Variants in ARID1B observed in about 807,000 individuals in gnomAD.
ARID1B encodes AT-rich interaction domain 1B, also known as AT-rich interactive domain-containing protein 1B.
A neutral mutation model predicts 212.3 loss-of-function variants in ARID1B; 30 were observed. The observed-to-expected ratio is 0.14, with a 90% CI of 0.11 to 0.19. ARID1B has a LOEUF of 0.19. Ranked by LOEUF, ARID1B falls within the 10% of genes least tolerant of loss-of-function variation. ARID1B has a pLI of 1.00. For synonymous variants in ARID1B, 1,402 were observed against 1,301.7 expected, an observed-to-expected ratio of 1.08 and a Z score of -1.66; for missense variants, 2,891 against 3,204.0, an observed-to-expected ratio of 0.90 and a Z score of 2.36.
Position 156,780,089 on chromosome 6 carries a change from A to G in ARID1B, c.1791+618A>G, listed in dbSNP as rs115635461. ...GCTTCGAGCTCGAACGTTTGCTGGT[A>G]GGAATAATAACAAAATTTACAACGA... On this transcript the variant is annotated intron_variant, in intron 1 of 19. Transcript: ENST00000636930. Among the ~76,000 whole-genome samples, 365 of 152,296 alleles carry G rather than the reference A, an allele frequency of 2.4e-3. 2 individuals carry two copies. The highest frequency in any genetic ancestry group is 7.9e-3 in the African/African-American group (329 of 41,566).
At chr6:156,991,624 T>G (rs569900269) in intron 4 of ARID1B, among the ~76,000 whole-genome samples, 1 of 152,378 alleles carries the variant, frequency 6.6e-6, no homozygotes, top group Admixed American at 6.5e-5. Flanking sequence ...ATATCTTTCT[T>G]ACACTCTTCT....
intron 4 of ARID1B, among the ~76,000 whole-genome samples, chr6:157,018,627 T>C (rs113929722): frequency 1.5e-4 from 23 of 152,354 alleles, no homozygotes; most frequent in African/African-American, 5.3e-4. Context: ...TTTACTAATC[T>C]GAAGTTTTGG....
intron 2 of ARID1B, among the ~76,000 whole-genome samples, chr6:156,886,822 T>C (rs1435211831): frequency 6.6e-6 from 1 of 152,212 alleles, no homozygotes; most frequent in African/African-American, 2.4e-5. Flanking sequence ...TTTAAAACAA[T>C]AGCTCATTGA....
chr6:156,935,708 T>C, intron 4 of ARID1B, 132 bp downstream of exon 4: 1 of 800,236 alleles, frequency 1.2e-6, no homozygotes. Context: ...TATTTTGTGG[T>C]CAATTTTTCA....
intron 4 of ARID1B, among the ~76,000 whole-genome samples, chr6:157,064,621 C>T (rs148705691): frequency 3.3e-5 from 5 of 152,274 alleles, no homozygotes; most frequent in Admixed American, 6.5e-5. Flanking sequence ...CTGGATTCGC[C>T]GAGAACACTT....
chr6:156,803,601 G>GT (rs1405178631), intron 1 of ARID1B, among the ~76,000 whole-genome samples: 1 of 140,158 alleles, frequency 7.1e-6, no homozygotes, highest in African/African-American at 2.6e-5. Flanking sequence ...TTCATGGTGT[G>GT]TTTTTTTCTT....
At position 157,039,882 on chromosome 6, in the gene ARID1B, T is replaced by TTCCTTCCTTC. The variant is rs1554287391; in HGVS notation, c.2248-44780_2248-44779insTCCTTCCTTC. ...TTTCTCTCTCTTTCTCTTTCTTTTC[T>TTCCTTCCTTC]CTTCCTTCCTTCCTTCCTTCCTTCC... On this transcript the variant is annotated intron_variant, in intron 4 of 19. Transcript: ENST00000636930. 2.9e-3 allele frequency among the ~76,000 whole-genome samples: 196 copies of TTCCTTCCTTC among 67,284 alleles called. 3 individuals are homozygous for TTCCTTCCTTC. Among genetic ancestry groups the TTCCTTCCTTC allele is most frequent in the African/African-American group, 0.01 (185 of 18,448 alleles). 44.1% of individuals were successfully genotyped at this position (67,284 alleles called of 152,430 possible). A position where few individuals can be genotyped will look rare whatever the true frequency, so the allele number is the denominator to read the frequency against.
intron 1 of ARID1B, among the ~76,000 whole-genome samples, chr6:156,827,618 G>T (rs556144503): frequency 6.6e-6 from 1 of 152,302 alleles, no homozygotes; most frequent in African/African-American, 2.4e-5. Context: ...GATCCAGATG[G>T]TTTTTATTTC....
chr6:157,076,652 G>A (rs1300693554), intron 4 of ARID1B, among the ~76,000 whole-genome samples: 1 of 151,984 alleles, frequency 6.6e-6, no homozygotes, highest in Non-Finnish European at 1.5e-5. Context: ...GATGGAAGTG[G>A]TGGTATTGAT....
At chr6:157,034,287 T>C (rs1294224088) in intron 4 of ARID1B, among the ~76,000 whole-genome samples, 2 of 152,248 alleles carry the variant, frequency 1.3e-5, no homozygotes, top group Non-Finnish European at 2.9e-5. Context: ...GCACAGTATT[T>C]ATTATGAATG....
chr6:156,841,180 A>G (rs560192368), intron 2 of ARID1B, among the ~76,000 whole-genome samples: 11 of 152,316 alleles, frequency 7.2e-5, no homozygotes, highest in African/African-American at 2.6e-4. Flanking sequence ...TGCTGGGATC[A>G]CGGAAAGGGC....
intron 11 of ARID1B, among the ~76,000 whole-genome samples, chr6:157,178,618 G>A (rs935868260): frequency 1.3e-5 from 2 of 152,164 alleles, no homozygotes; most frequent in African/African-American, 4.8e-5. Context: ...ATGCCTCTTA[G>A]AAGATCTAAA....
Position 157,200,029 on chromosome 6 carries a change from G to A in ARID1B, c.4480-676G>A, listed in dbSNP as rs545535522. Among the ~76,000 whole-genome samples the A allele has an allele frequency of 6.6e-6, 1 of 152,302 alleles. No homozygotes were observed. The highest frequency in any genetic ancestry group is 2.1e-4 in the South Asian group (1 of 4,810). ...TTTTCAAGTAAAGTGGAAAACATCAGCATCTCACTGCCTCCCATCAGAGTC... is the reference window on the plus strand; with the variant it reads ...TTTTCAAGTAAAGTGGAAAACATCAACATCTCACTGCCTCCCATCAGAGTC... On this transcript the variant is annotated intron_variant, in intron 17 of 19. Coordinates refer to ENST00000636930, the MANE Select transcript of ARID1B (RefSeq NM_001374828.1). The surrounding 1 kb of genome is among the most constrained non-coding windows in gnomAD (Gnocchi z 4.3).
chr6:157,210,332 A>C lies in ARID1B; in HGVS notation c.*2441A>C, dbSNP rs917719379. On this transcript the variant is annotated 3_prime_UTR_variant, in exon 20 of 20. Coordinates refer to ENST00000636930, the MANE Select transcript of ARID1B (RefSeq NM_001374828.1). ...ATTTCTCTCTTACAGAGTACAAATA[A>C]AAGGTGTATACAAACTCCGAACATA... is the stretch of plus-strand genomic sequence containing the variant. 2 of 230,416 alleles carry C rather than the reference A, an allele frequency of 8.7e-6. No homozygotes were observed. The highest frequency in any genetic ancestry group is 1.7e-5 in the Non-Finnish European group (2 of 116,412). The allele number at this position is 230,416 out of a possible 1,614,324, so 14.3% of individuals were successfully genotyped here.
At chr6:156,884,523 G>T (rs181315760) in intron 2 of ARID1B, among the ~76,000 whole-genome samples, 8 of 152,306 alleles carry the variant, frequency 5.3e-5, no homozygotes, top group African/African-American at 1.9e-4. Flanking sequence ...TGGCCACCTG[G>T]AGGGCCTTCT....
intron 1 of ARID1B, among the ~76,000 whole-genome samples, chr6:156,823,950 C>G (rs1292643935): frequency 6.6e-6 from 1 of 152,022 alleles, no homozygotes; most frequent in South Asian, 2.1e-4. Flanking sequence ...GCAAGTTGTC[C>G]TTTAACTTGG....
At chr6:157,109,828 T>G (rs1298481700) in intron 5 of ARID1B, among the ~76,000 whole-genome samples, 2 of 152,222 alleles carry the variant, frequency 1.3e-5, no homozygotes, top group African/African-American at 4.8e-5. Flanking sequence ...ACATTATATT[T>G]GGAAAAGACA....
chr6:157,010,639 GTTTTGT>G (rs1319303661), intron 4 of ARID1B, among the ~76,000 whole-genome samples: 1 of 76,012 alleles, frequency 1.3e-5, no homozygotes, highest in East Asian at 3.4e-4. Context: ...TTTTTGCTTT[GTTTTGT>G]TTTGTTTTTT....
chr6:156,924,576 G>A (rs1349804393), intron 3 of ARID1B, among the ~76,000 whole-genome samples: 2 of 152,148 alleles, frequency 1.3e-5, no homozygotes, highest in South Asian at 2.1e-4. Context: ...ACATCCAGGC[G>A]GGCAATTTAA....
Sources: gnomAD v4.1 joint callset for allele counts (sites outside exome capture counted in the v4.1 genomes callset) on GRCh38, gnomAD v4.1.1 for gene constraint, Gnocchi (gnomAD v3.1) non-coding constraint, MANE v1.5 for transcripts, NCBI Gene and HGNC (gene_info 2026-07-23, HGNC 2026-07-21) for gene names.